The following INSL6 variants were observed in gnomAD, a reference collection of about 807,000 sequenced individuals.
INSL6 encodes the protein insulin like 6.
In INSL6, 16 loss-of-function variants were observed where a neutral mutation model predicts 9.4. The observed-to-expected ratio is 1.70, with a 90% CI of 1.15 to 2.59. The LOEUF (loss-of-function observed/expected upper bound fraction) is 2.59. INSL6 is among the 30% of genes most tolerant of loss of function. INSL6 has a pLI of 0.00. For synonymous variants in INSL6, 154 were observed against 96.9 expected (o/e 1.59, Z -3.46); for missense variants, 391 against 257.3 (o/e 1.52, Z -3.56).
chr9:5,113,891 A>G, the INSL6 span: 1 of 217,272 alleles, frequency 4.6e-6, no homozygotes. Flanking sequence ...AAGATCTTAC[A>G]GTCCTCCTGT....
the INSL6 span, among the ~76,000 whole-genome samples, chr9:5,105,652 T>A: frequency 1.3e-5 from 2 of 152,116 alleles, no homozygotes; most frequent in Admixed American, 6.5e-5. Context: ...TCACACTACG[T>A]AACTTCAAAC....
the INSL6 span, among the ~76,000 whole-genome samples, chr9:5,088,066 G>A: frequency 6.6e-6 from 1 of 152,098 alleles, no homozygotes; most frequent in African/African-American, 2.4e-5. Context: ...AATGTGTTTT[G>A]GAATAATTTC....
chr9:5,114,258 G>C, the INSL6 span: 1 of 543,074 alleles, frequency 1.8e-6, no homozygotes, highest in African/African-American at 1.9e-5. Context: ...CACCTGTCTG[G>C]TGGTGGACCT....
chr9:5,169,196 G>C (rs1020246042), intron 1 of INSL6, among the ~76,000 whole-genome samples: 12 of 152,150 alleles, frequency 7.9e-5, no homozygotes, highest in Admixed American at 7.9e-4. Flanking sequence ...AAAGTGCTGG[G>C]ATTACAGGCA....
chr9:5,084,352 T>C, the INSL6 span, among the ~76,000 whole-genome samples: 3 of 152,170 alleles, frequency 2.0e-5, no homozygotes, highest in Non-Finnish European at 4.4e-5. Flanking sequence ...TGTACTGCCT[T>C]ACTGAAACAA....
the INSL6 span, among the ~76,000 whole-genome samples, chr9:4,994,914 T>C: frequency 6.6e-6 from 1 of 151,496 alleles, no homozygotes; most frequent in Non-Finnish European, 1.5e-5. Flanking sequence ...ATTCAAAAAG[T>C]AGTAAATATC....
At chr9:5,090,381 T>C in the INSL6 span, 1 of 1,184,906 alleles carries the variant, frequency 8.4e-7, no homozygotes, top group Non-Finnish European at 1.1e-6. Context: ...TGTATGATAG[T>C]TTTCTAATAT....
At chr9:5,025,320 C>A in the INSL6 span, among the ~76,000 whole-genome samples, 2 of 152,116 alleles carry the variant, frequency 1.3e-5, no homozygotes, top group African/African-American at 4.8e-5. Context: ...GTGTCAATTT[C>A]TCTGTTCGCT....
the INSL6 span, chr9:5,054,895 A>G: frequency 6.5e-7 from 1 of 1,542,662 alleles, no homozygotes; most frequent in Admixed American, 2.0e-5. This position sits in a 1 kb window ranked among gnomAD's most constrained non-coding sequence, Gnocchi z 4.9. Flanking sequence ...GTAATCCTTA[A>G]TGATATGTTC....
intron 3 of INSL6, among the ~76,000 whole-genome samples, chr9:5,131,206 A>G (rs1264688277): frequency 6.6e-6 from 1 of 152,158 alleles, no homozygotes; most frequent in East Asian, 1.9e-4. Flanking sequence ...TATACATATC[A>G]TACTTTCTTC....
the INSL6 span, among the ~76,000 whole-genome samples, chr9:5,006,860 T>A: frequency 1.3e-4 from 20 of 152,342 alleles, no homozygotes; most frequent in Non-Finnish European, 2.4e-4. Flanking sequence ...ATTTTATATT[T>A]CTTCTTGTGC....
chr9:5,130,938 C>A (rs1415445889), intron 3 of INSL6, among the ~76,000 whole-genome samples: 2 of 151,094 alleles, frequency 1.3e-5, no homozygotes, highest in Admixed American at 6.6e-5. Context: ...ACTGTGTTAG[C>A]CAGGATGGTC....
At chr9:5,095,329 A>AT in the INSL6 span, among the ~76,000 whole-genome samples, 13 of 152,114 alleles carry the variant, frequency 8.5e-5, no homozygotes, top group African/African-American at 2.9e-4. Context: ...AGGCCTAGGA[A>AT]TAAATATAGT....
the INSL6 span, among the ~76,000 whole-genome samples, chr9:4,995,734 T>C: frequency 6.6e-6 from 1 of 152,234 alleles, no homozygotes; most frequent in African/African-American, 2.4e-5. Context: ...AAATCAAGCA[T>C]TTAGGAATAG....
the INSL6 span, chr9:5,114,157 A>T: frequency 2.4e-6 from 1 of 415,652 alleles, no homozygotes; most frequent in Non-Finnish European, 4.8e-6. Context: ...GACAGTGCCA[A>T]GAAGTGTGCA....
the INSL6 span, chr9:5,072,706 G>C: frequency 9.4e-7 from 1 of 1,061,276 alleles, no homozygotes; most frequent in South Asian, 3.3e-5. Flanking sequence ...GTACTCATGT[G>C]TGCAGCTTTT....
chr9:5,105,555 A>G, the INSL6 span, among the ~76,000 whole-genome samples: 1 of 152,228 alleles, frequency 6.6e-6, no homozygotes, highest in African/African-American at 2.4e-5. Flanking sequence ...ATAGAACTGG[A>G]AACAACTACT....
At chr9:5,116,611 T>C in the INSL6 span, among the ~76,000 whole-genome samples, 7 of 152,098 alleles carry the variant, frequency 4.6e-5, no homozygotes, top group Admixed American at 4.6e-4. Flanking sequence ...GATTCAGAGA[T>C]TTGGTTATAC....
the INSL6 span, among the ~76,000 whole-genome samples, chr9:5,005,731 C>T: frequency 6.6e-6 from 1 of 152,050 alleles, no homozygotes; most frequent in African/African-American, 2.4e-5. Context: ...TGTATAAGCT[C>T]AATGTTTCTT....
Sources: allele counts gnomAD v4.1 joint callset (sites outside exome capture counted in the v4.1 genomes callset), GRCh38; gene constraint gnomAD v4.1.1; non-coding constraint Gnocchi (gnomAD v3.1); transcripts MANE v1.5; gene names NCBI Gene and HGNC (gene_info 2026-07-23, HGNC 2026-07-21).